Variants in SMIM36 observed in about 807,000 individuals in gnomAD.
SMIM36 encodes small integral membrane protein 36.
At chr17:55,470,938 C>T (rs1169394167) in intron 3 of SMIM36, among the ~76,000 whole-genome samples, 9 of 152,168 alleles carry the variant, frequency 5.9e-5, no homozygotes, top group Non-Finnish European at 1.2e-4. Flanking sequence ...CCATCCTACC[C>T]GTCCAGAAAC....
chr17:55,454,340 A>C lies in SMIM36; in HGVS notation c.*532-4042T>G, dbSNP rs556120701. Among the ~76,000 whole-genome samples the C allele has an allele frequency of 9.8e-5, 15 of 152,342 alleles. 1 individual carries two copies. In the East Asian group the frequency reaches 2.9e-3, roughly 29 times the overall value. ...TGTAGCATTTTGATGTGCATTACAAAAGAGAAAGAACCGCTGAGGTCAGCA... is the reference window on the plus strand; with the variant it reads ...TGTAGCATTTTGATGTGCATTACAACAGAGAAAGAACCGCTGAGGTCAGCA... On this transcript the variant is annotated intron_variant, in intron 4 of 4. Coordinates refer to ENST00000636752, the Ensembl canonical transcript of SMIM36.
chr17:55,456,821 C>A (rs1252870478), intron 4 of SMIM36, among the ~76,000 whole-genome samples: 6 of 152,190 alleles, frequency 3.9e-5, no homozygotes, highest in Non-Finnish European at 8.8e-5. Flanking sequence ...AGTTTCATTA[C>A]TTTCAGGTCA....
At chr17:55,483,020 T>C (rs900839211) in intron 1 of SMIM36, among the ~76,000 whole-genome samples, 4 of 152,220 alleles carry the variant, frequency 2.6e-5, no homozygotes, top group Non-Finnish European at 1.5e-5. Context: ...GATTTCAAAA[T>C]GTGCACAAAC....
intron 1 of SMIM36, among the ~76,000 whole-genome samples, chr17:55,507,955 T>C (rs1412033942): frequency 6.6e-6 from 1 of 152,136 alleles, no homozygotes; most frequent in Admixed American, 6.5e-5. Flanking sequence ...TGGCAGTCCC[T>C]TTACAAGGCA....
chr17:55,516,316 G>A (rs1910276397), upstream of SMIM36, among the ~76,000 whole-genome samples: 1 of 152,110 alleles, frequency 6.6e-6, no homozygotes, highest in Admixed American at 6.5e-5. Context: ...TAAGGGTATT[G>A]ACTCTCAGGA....
intron 1 of SMIM36, among the ~76,000 whole-genome samples, chr17:55,481,107 T>C (rs1186760589): frequency 6.6e-6 from 1 of 151,380 alleles, no homozygotes; most frequent in Non-Finnish European, 1.5e-5. Context: ...TCCCTCTCTC[T>C]CTCTTTATCT....
chr17:55,501,949 A>G (rs1436309129), intron 1 of SMIM36, among the ~76,000 whole-genome samples: 1 of 148,598 alleles, frequency 6.7e-6, no homozygotes, highest in Non-Finnish European at 1.5e-5. Context: ...TTCCGAGTCA[A>G]AGAAAGGGGT....
chr17:55,479,821 A>T (rs1267246364), intron 1 of SMIM36, among the ~76,000 whole-genome samples: 3 of 152,196 alleles, frequency 2.0e-5, no homozygotes, highest in Non-Finnish European at 4.4e-5. Context: ...GAGCAAAAAC[A>T]CTTTTCCTTG....
chr17:55,462,574 C>A lies in SMIM36; in HGVS notation c.*531+4571G>T, dbSNP rs143965592. On this transcript the variant is annotated intron_variant, in intron 4 of 4. Coordinates refer to ENST00000636752, the Ensembl canonical transcript of SMIM36. ...TGAGCTATGACAGAACCACTGCACT[C>A]CAGCCTGGGCAACAGAGTGAGATTA... 6.6e-3 allele frequency among the ~76,000 whole-genome samples: 1,011 copies of A among 152,124 alleles called. 5 individuals carry two copies. The highest frequency in any genetic ancestry group is 0.023 in the African/African-American group (948 of 41,468).
upstream of SMIM36, among the ~76,000 whole-genome samples, chr17:55,516,358 T>C (rs996394923): frequency 6.6e-6 from 1 of 152,190 alleles, no homozygotes; most frequent in African/African-American, 2.4e-5. Context: ...AAATTCATCA[T>C]TCTTGAGCTC....
At chr17:55,489,854 T>G (rs1317435367) in intron 1 of SMIM36, among the ~76,000 whole-genome samples, 3 of 54,484 alleles carry the variant, frequency 5.5e-5, no homozygotes. Flanking sequence ...TGCTCGGTTT[T>G]TTTTTGTTTT....
the SMIM36 span, among the ~76,000 whole-genome samples, chr17:55,526,034 C>T: frequency 2.0e-5 from 3 of 152,078 alleles, no homozygotes; most frequent in African/African-American, 7.2e-5. Context: ...CAAATGTGGC[C>T]AACAAGGCCA....
At chr17:55,485,789 C>T (rs1469713101) in intron 1 of SMIM36, among the ~76,000 whole-genome samples, 3 of 152,118 alleles carry the variant, frequency 2.0e-5, no homozygotes, top group African/African-American at 7.2e-5. Context: ...TTATCATTCC[C>T]ATCTTACGTA....
intron 1 of SMIM36, among the ~76,000 whole-genome samples, chr17:55,481,607 A>G (rs2143277098): frequency 6.6e-6 from 1 of 152,332 alleles, no homozygotes; most frequent in Non-Finnish European, 1.5e-5. Context: ...TGTTCTAGCT[A>G]AGAAAAATTT....
intron 3 of SMIM36, chr17:55,468,144 A>C (rs1297633316): frequency 1.3e-5 from 2 of 152,332 alleles, no homozygotes; most frequent in East Asian, 3.9e-4. Context: ...TTTATTGCTC[A>C]CACAAAGCCT....
At chr17:55,492,756 A>G (rs1909736582) in intron 1 of SMIM36, among the ~76,000 whole-genome samples, 1 of 152,242 alleles carries the variant, frequency 6.6e-6, no homozygotes, top group South Asian at 2.1e-4. Context: ...ATGTTCTACT[A>G]AAAATTAAGG....
the SMIM36 span, among the ~76,000 whole-genome samples, chr17:55,524,883 T>G: frequency 6.6e-6 from 1 of 152,210 alleles, no homozygotes; most frequent in Non-Finnish European, 1.5e-5. Context: ...ATAATTCACA[T>G]AGACTGAGAG....
At chr17:55,499,626 T>C (rs1488893213) in intron 1 of SMIM36, among the ~76,000 whole-genome samples, 1 of 152,206 alleles carries the variant, frequency 6.6e-6, no homozygotes, top group Non-Finnish European at 1.5e-5. Flanking sequence ...TTCCCAAAGC[T>C]ATCATCCAAA....
chr17:55,500,809 A>G (rs1326731105), intron 1 of SMIM36, among the ~76,000 whole-genome samples: 1 of 60,394 alleles, frequency 1.7e-5, no homozygotes, highest in Non-Finnish European at 3.1e-5. Flanking sequence ...ATAATATATT[A>G]TAATATATTA....
Sources: gnomAD v4.1 joint callset for allele counts (sites outside exome capture counted in the v4.1 genomes callset) on GRCh38, gnomAD v4.1.1 for gene constraint, MANE v1.5 for transcripts, NCBI Gene and HGNC (gene_info 2026-07-23, HGNC 2026-07-21) for gene names.